Variants in PLXNA4 observed in about 807,000 individuals in gnomAD.
PLXNA4 encodes the protein plexin-A4.
PLXNA4 carries 44 observed loss-of-function variants against 191.8 expected under a neutral mutation model. That is an observed-to-expected ratio of 0.23 (90% CI 0.18 to 0.29). The LOEUF is 0.29. Among genes scored for constraint, PLXNA4 ranks in the 10% least tolerant of loss-of-function variants. PLXNA4 has a pLI of 1.00. For synonymous variants in PLXNA4, 1,082 were observed against 1,009.5 expected (o/e 1.07, Z -1.36); for missense variants, 1,800 against 2,488.8 (o/e 0.72, Z 5.89).
chr7:132,479,390 C>T (rs1239398177), intron 3 of PLXNA4, among the ~76,000 whole-genome samples: 1 of 152,156 alleles, frequency 6.6e-6, no homozygotes, highest in Non-Finnish European at 1.5e-5. Context: ...CCCAAACCAA[C>T]ACCCATTTCT....
chr7:132,510,490 C>G (rs1798669815), intron 1 of PLXNA4, among the ~76,000 whole-genome samples: 2 of 152,324 alleles, frequency 1.3e-5, no homozygotes, highest in South Asian at 4.1e-4. Context: ...TCAGAACACA[C>G]ACAAAATGTG....
chr7:132,196,215 C>G (rs1298094977), intron 13 of PLXNA4, among the ~76,000 whole-genome samples: 1 of 152,218 alleles, frequency 6.6e-6, no homozygotes, highest in Non-Finnish European at 1.5e-5. Context: ...AGTGGCAGAG[C>G]CAGGGCTCTA....
intron 3 of PLXNA4, among the ~76,000 whole-genome samples, chr7:132,472,812 T>C (rs1029137474): frequency 2.0e-5 from 3 of 152,048 alleles, no homozygotes; most frequent in Non-Finnish European, 2.9e-5. Flanking sequence ...GTACAGGTGA[T>C]GGTGAGGGCG....
intron 2 of PLXNA4, among the ~76,000 whole-genome samples, chr7:132,622,192 A>G (rs1016883295): frequency 1.3e-5 from 2 of 152,202 alleles, no homozygotes; most frequent in African/African-American, 4.8e-5. Flanking sequence ...CTGGCTGGAT[A>G]TAAACAAGCA....
chr7:132,348,657 G>C (rs1299531976), intron 3 of PLXNA4, among the ~76,000 whole-genome samples: 2 of 152,142 alleles, frequency 1.3e-5, no homozygotes, highest in Admixed American at 1.3e-4. Context: ...TTAGGTTCCT[G>C]GTAATCAATA....
intron 3 of PLXNA4, among the ~76,000 whole-genome samples, chr7:132,469,324 G>A (rs901805800): frequency 2.0e-5 from 3 of 152,038 alleles, no homozygotes; most frequent in Non-Finnish European, 4.4e-5. Flanking sequence ...TTGCTGTGAG[G>A]GCCTTAGACC....
Position 132,140,627 on chromosome 7 carries a change from T to G in PLXNA4, c.5410A>C (p.Ile1804Leu). 2 of 1,614,056 alleles carry G rather than the reference T, an allele frequency of 1.2e-6. No individual in the cohort carries two copies. The highest frequency in any genetic ancestry group is 2.2e-5 in the South Asian group (2 of 91,052). ...TCCACCCAATTCTTGTAGCTGGGGA[T>G]GTCCTTGGCATACAGCAGCTTGTTG... ...PSNKLLYAKD[I>L]PSYKNWVERY... Residue 1804 changes from isoleucine (I) to leucine (L), a missense_variant, in exon 30 of 32, where the codon ATC (isoleucine) becomes CTC (leucine). Ile to Leu is a conservative substitution (Grantham distance 5). This residue lies in a region of PLXNA4 where 101 missense variants were observed against 182.8 expected (regional missense o/e 0.55). Coordinates refer to ENST00000321063, the MANE Select transcript of PLXNA4 (RefSeq NM_020911.2).
At chr7:132,247,531 C>T (rs184949240) in intron 4 of PLXNA4, among the ~76,000 whole-genome samples, 24 of 152,254 alleles carry the variant, frequency 1.6e-4, no homozygotes, top group Admixed American at 6.5e-4. Flanking sequence ...TCACTGTCCC[C>T]GAGCAGAGGA....
intron 4 of PLXNA4, among the ~76,000 whole-genome samples, chr7:132,252,083 G>A (rs1799270351): frequency 6.6e-6 from 1 of 151,986 alleles, no homozygotes; most frequent in Non-Finnish European, 1.5e-5. Flanking sequence ...CTGTCTCAAG[G>A]TACCCACCTA....
chr7:132,611,993 G>A (rs75471536), intron 2 of PLXNA4, among the ~76,000 whole-genome samples: 2,891 of 152,270 alleles, frequency 0.019, 79 homozygotes, highest in African/African-American at 0.064. Flanking sequence ...CTGCTTCACA[G>A]CTTCCATTCT....
intron 3 of PLXNA4, among the ~76,000 whole-genome samples, chr7:132,355,239 A>G (rs570871396): frequency 3.1e-4 from 47 of 152,298 alleles, no homozygotes; most frequent in Admixed American, 1.4e-3. Context: ...AGAGATGGCT[A>G]TCACCCTTCC....
At chr7:132,478,176 C>T (rs1049156885) in intron 3 of PLXNA4, among the ~76,000 whole-genome samples, 1 of 152,102 alleles carries the variant, frequency 6.6e-6, no homozygotes, top group Non-Finnish European at 1.5e-5. Context: ...GCCAACACTG[C>T]CTAACTAAAC....
intron 2 of PLXNA4, among the ~76,000 whole-genome samples, chr7:132,633,917 G>A (rs1803543530): frequency 6.6e-6 from 1 of 151,982 alleles, no homozygotes; most frequent in South Asian, 2.1e-4. Context: ...AGCACACACA[G>A]CAACTCCAGC....
At chr7:132,138,446 G>A (rs1795176027) in intron 30 of PLXNA4, among the ~76,000 whole-genome samples, 1 of 152,188 alleles carries the variant, frequency 6.6e-6, no homozygotes. Context: ...TTCCCCTCCA[G>A]GGAGCCAGGC....
chr7:132,137,235 C>G (rs1213004957), intron 30 of PLXNA4, among the ~76,000 whole-genome samples: 2 of 152,160 alleles, frequency 1.3e-5, no homozygotes, highest in Admixed American at 6.5e-5. Context: ...TTTTTTCATG[C>G]CGTGACACAC....
At chr7:132,151,314 G>GAGGAGGAGGAGGAAGAAGA (rs1795602071) in intron 25 of PLXNA4, among the ~76,000 whole-genome samples, 2 of 21,758 alleles carry the variant, frequency 9.2e-5, no homozygotes, top group African/African-American at 2.1e-4. Flanking sequence ...GAGGAAGAAG[G>GAGGAGGAGGAGGAAGAAGA]AGGAGGAGGA....
chr7:132,630,736 C>T (rs139970793), intron 2 of PLXNA4, among the ~76,000 whole-genome samples: 1,826 of 152,308 alleles, frequency 0.012, 51 homozygotes, highest in African/African-American at 0.042. Flanking sequence ...TGGTCTCAAT[C>T]TCCTGACCTT....
intron 1 of PLXNA4, among the ~76,000 whole-genome samples, chr7:132,562,606 T>TCTC (rs1363863328): frequency 8.2e-6 from 1 of 121,516 alleles, no homozygotes; most frequent in African/African-American, 3.5e-5. Context: ...CTCCTCCTCC[T>TCTC]CCTTCTCCTC....
At chr7:132,331,270 G>A (rs1802580492) in intron 3 of PLXNA4, among the ~76,000 whole-genome samples, 1 of 152,234 alleles carries the variant, frequency 6.6e-6, no homozygotes, top group Admixed American at 6.5e-5. Flanking sequence ...CCCTGCCTTG[G>A]CCCCTGAACC....
Sources: gnomAD v4.1 joint callset for allele counts (sites outside exome capture counted in the v4.1 genomes callset) on GRCh38, gnomAD v4.1.1 for gene constraint, gnomAD v4.1.1 regional missense constraint, MANE v1.5 for transcripts, NCBI Gene and HGNC (gene_info 2026-07-23, HGNC 2026-07-21) for gene names.